Variants in KIRREL3 observed in about 807,000 individuals in gnomAD.
KIRREL3 encodes kirre like nephrin family adhesion molecule 3, also known as kin of IRRE-like protein 3.
In KIRREL3, 36 loss-of-function variants were observed where a neutral mutation model predicts 89.7. That is an observed-to-expected ratio of 0.40 (90% confidence interval 0.31 to 0.53). The LOEUF (loss-of-function observed/expected upper bound fraction) is 0.53, where lower values mean the gene tolerates loss of function less well. Ranked by LOEUF, KIRREL3 falls within the 20% of genes least tolerant of loss-of-function variation. KIRREL3 has a pLI of 0.49. For missense variants in KIRREL3, 864 were observed against 1,056.6 expected (o/e 0.82, Z 2.53); for synonymous variants, 445 against 441.4 (o/e 1.01, Z -0.10).
rs485645 is a variant in KIRREL3, at chr11:126,563,084, T to C, written c.56-172A>G. 0.33 allele frequency among the ~76,000 whole-genome samples: 50,838 copies of C among 152,152 alleles called. 11,201 individuals carry two copies. Among genetic ancestry groups the C allele is most frequent in the East Asian group, 0.84 (4,331 of 5,178 alleles). ...TCCAGGCATAAGTTTAAGCCAGCAATTCTTCATTTTGATTCTCATAACAAC... is the reference window on the plus strand; with the variant it reads ...TCCAGGCATAAGTTTAAGCCAGCAACTCTTCATTTTGATTCTCATAACAAC... On this transcript the variant is annotated intron_variant, in intron 1 of 16. Coordinates refer to ENST00000525144, the MANE Select transcript of KIRREL3 (RefSeq NM_032531.4). The surrounding 1 kb of genome is among the most constrained non-coding windows in gnomAD (Gnocchi z 6.8).
rs889027292 is a variant in KIRREL3, at chr11:126,969,011, G to C, written c.55+31444C>G. On this transcript the variant is annotated intron_variant, in intron 1 of 16. Coordinates refer to ENST00000525144, the MANE Select transcript of KIRREL3 (RefSeq NM_032531.4). The surrounding 1 kb of genome is among the most constrained non-coding windows in gnomAD (Gnocchi z 4.9). ...CATTTTTGAGTATCTCTGCAGATACGGGAAAACCCTGCCTCTCCTTGCATA... is the reference window on the plus strand; with the variant it reads ...CATTTTTGAGTATCTCTGCAGATACCGGAAAACCCTGCCTCTCCTTGCATA... Among the ~76,000 whole-genome samples the C allele has an allele frequency of 6.6e-6, 1 of 152,142 alleles. No homozygotes were observed. Among genetic ancestry groups the C allele is most frequent in the East Asian group, 1.9e-4 (1 of 5,186 alleles).
At chr11:126,952,637 G>T (rs889449765) in intron 1 of KIRREL3, among the ~76,000 whole-genome samples, 2 of 152,174 alleles carry the variant, frequency 1.3e-5, no homozygotes, top group Non-Finnish European at 2.9e-5. Flanking sequence ...TAGTCATGAA[G>T]TCTTTGCCCA....
intron 1 of KIRREL3, chr11:126,934,775 A>G (rs900648284): frequency 2.0e-5 from 3 of 152,214 alleles, no homozygotes; most frequent in East Asian, 3.9e-4. Flanking sequence ...AATGAGCAAA[A>G]GACGGCCAGG....
At position 126,565,505 on chromosome 11, in the gene KIRREL3, G is replaced by A. The variant is rs1940450057; in HGVS notation, c.56-2593C>T. ...TGGGTTAGTCTTAATTATTTAGGCGGCTACGTTACAAGGCGCTAATAAGCA... is the reference window on the plus strand; with the variant it reads ...TGGGTTAGTCTTAATTATTTAGGCGACTACGTTACAAGGCGCTAATAAGCA... On this transcript the variant is annotated intron_variant, in intron 1 of 16. Coordinates refer to ENST00000525144, the MANE Select transcript of KIRREL3 (RefSeq NM_032531.4). The surrounding 1 kb of genome is among the most constrained non-coding windows in gnomAD (Gnocchi z 5.4). Among the ~76,000 whole-genome samples the A allele has an allele frequency of 6.6e-6, 1 of 152,160 alleles. No homozygotes were observed. The highest frequency in any genetic ancestry group is 1.5e-5 in the Non-Finnish European group (1 of 68,044).
rs144904752 is a variant in KIRREL3, at chr11:126,614,704, T to C, written c.56-51792A>G. On this transcript the variant is annotated intron_variant, in intron 1 of 16. Coordinates refer to ENST00000525144, the MANE Select transcript of KIRREL3 (RefSeq NM_032531.4). This position sits in a 1 kb window ranked among gnomAD's most constrained non-coding sequence, Gnocchi z 4.6. The stretch of plus-strand genomic sequence containing the variant: ...CCAGCCAAGGCTGGTGAGATGTATT[T>C]GCAGACAAGTGGGCCGCAATCACAG... Among the ~76,000 whole-genome samples, 525 of 152,322 alleles carry C rather than the reference T, an allele frequency of 3.4e-3. 1 individual carries two copies. Among genetic ancestry groups the C allele is most frequent in the African/African-American group, 0.012 (495 of 41,564 alleles).
At chr11:126,505,426 C>A (rs560300840) in intron 4 of KIRREL3, among the ~76,000 whole-genome samples, 2 of 152,084 alleles carry the variant, frequency 1.3e-5, no homozygotes, top group East Asian at 3.8e-4. Flanking sequence ...GAAAAATTAG[C>A]CAGGCGTGGT....
rs114326190 is a variant in KIRREL3, at chr11:126,742,457, C to T, written c.56-179545G>A. Reference sequence around the variant, plus strand: ...ATGAAGCAGAAGTCAATCTCTTCGTCAGGCTGAATGTGGCTCACAGAAGCA... The same window carrying T: ...ATGAAGCAGAAGTCAATCTCTTCGTTAGGCTGAATGTGGCTCACAGAAGCA... On this transcript the variant is annotated intron_variant, in intron 1 of 16. Coordinates refer to ENST00000525144, the MANE Select transcript of KIRREL3 (RefSeq NM_032531.4). This position sits in a 1 kb window ranked among gnomAD's most constrained non-coding sequence, Gnocchi z 5.3. Among the ~76,000 whole-genome samples, 385 of 152,270 alleles carry T rather than the reference C, an allele frequency of 2.5e-3. 1 individual carries two copies. The highest frequency in any genetic ancestry group is 9.1e-3 in the African/African-American group (378 of 41,542).
Position 126,772,230 on chromosome 11 carries a change from A to G in KIRREL3, c.56-209318T>C, listed in dbSNP as rs1005658873. On this transcript the variant is annotated intron_variant, in intron 1 of 16. Coordinates refer to ENST00000525144, the MANE Select transcript of KIRREL3 (RefSeq NM_032531.4). This position sits in a 1 kb window ranked among gnomAD's most constrained non-coding sequence, Gnocchi z 4.6. ...AGGGAGGATGCACTACAAATCAGAA[A>G]GAACAGTGCTAAGATTTGGATAGGG... Among the ~76,000 whole-genome samples, 8 of 152,224 alleles carry G rather than the reference A, an allele frequency of 5.3e-5. No individual in the cohort carries two copies. The highest frequency in any genetic ancestry group is 1.9e-4 in the African/African-American group (8 of 41,458).
chr11:126,998,694 G>A (rs6590242), intron 1 of KIRREL3, among the ~76,000 whole-genome samples: 11,438 of 152,186 alleles, frequency 0.075, 973 homozygotes, highest in East Asian at 0.42. Context: ...TGATTCAGAC[G>A]GCCAGGGAGG....
intron 1 of KIRREL3, among the ~76,000 whole-genome samples, chr11:126,818,451 G>A (rs932470104): frequency 6.6e-6 from 1 of 152,152 alleles, no homozygotes; most frequent in Non-Finnish European, 1.5e-5. Context: ...TAACCTCTCT[G>A]AGCCTATTTC....
rs1276433440 is a variant in KIRREL3, at chr11:126,454,128, G to T, written c.848+2221C>A. On this transcript the variant is annotated intron_variant, in intron 7 of 16. Coordinates refer to ENST00000525144, the MANE Select transcript of KIRREL3 (RefSeq NM_032531.4). This position sits in a 1 kb window ranked among gnomAD's most constrained non-coding sequence, Gnocchi z 5.8. The stretch of plus-strand genomic sequence containing the variant: ...TCACCAGCTGTTAACATTTTCTCAC[G>T]CGTGCTTTGCGGAGACCTCTCCTCT... Among the ~76,000 whole-genome samples the T allele has an allele frequency of 6.6e-6, 1 of 152,016 alleles. No individual in the cohort carries two copies. The highest frequency in any genetic ancestry group is 1.5e-5 in the Non-Finnish European group (1 of 68,012).
intron 1 of KIRREL3, among the ~76,000 whole-genome samples, chr11:126,952,385 A>G (rs1302271424): frequency 2.0e-5 from 3 of 149,878 alleles, no homozygotes; most frequent in Non-Finnish European, 4.5e-5. Context: ...ACTGTCTTGA[A>G]AAAAAAAAAG....
intron 1 of KIRREL3, among the ~76,000 whole-genome samples, chr11:126,893,901 A>C (rs1448626028): frequency 6.6e-6 from 1 of 152,232 alleles, no homozygotes; most frequent in Non-Finnish European, 1.5e-5. Context: ...TTAAAAACTC[A>C]TAAGATGGTC....
rs1945276526 is a variant in KIRREL3, at chr11:126,876,124, T to A, written c.55+124331A>T. On this transcript the variant is annotated intron_variant, in intron 1 of 16. Coordinates refer to ENST00000525144, the MANE Select transcript of KIRREL3 (RefSeq NM_032531.4). This position sits in a 1 kb window ranked among gnomAD's most constrained non-coding sequence, Gnocchi z 4.1. Reference sequence around the variant, plus strand: ...CAAAGGGCAGCCGTCTTCTACTAGCTCTTCAGAACTTTCTGGCCCCAATAC... The same window carrying A: ...CAAAGGGCAGCCGTCTTCTACTAGCACTTCAGAACTTTCTGGCCCCAATAC... Among the ~76,000 whole-genome samples, 1 of 152,176 alleles carries A rather than the reference T, an allele frequency of 6.6e-6. No individual in the cohort carries two copies. The highest frequency in any genetic ancestry group is 1.5e-5 in the Non-Finnish European group (1 of 68,036).
rs1165092813 is a variant in KIRREL3, at chr11:126,462,047, G to T, written c.742+1110C>A. Among the ~76,000 whole-genome samples the T allele has an allele frequency of 1.3e-5, 2 of 152,148 alleles. No homozygotes were observed. The highest frequency in any genetic ancestry group is 4.8e-5 in the African/African-American group (2 of 41,438). On this transcript the variant is annotated intron_variant, in intron 6 of 16. Transcript: ENST00000525144. This position sits in a 1 kb window ranked among gnomAD's most constrained non-coding sequence, Gnocchi z 4.8. Reference sequence around the variant, plus strand: ...TGAACTAATCCAGTCTTGAGAGGAAGGCCCCTGGAACACCTTGCTGAGCTC... The same window carrying T: ...TGAACTAATCCAGTCTTGAGAGGAATGCCCCTGGAACACCTTGCTGAGCTC...
At chr11:126,801,636 C>T (rs1951037634) in intron 1 of KIRREL3, among the ~76,000 whole-genome samples, 1 of 152,220 alleles carries the variant, frequency 6.6e-6, no homozygotes, top group South Asian at 2.1e-4. Flanking sequence ...TGGCCAGGCA[C>T]TTTCTCTCCT....
chr11:126,563,577 A>C lies in KIRREL3; in HGVS notation c.56-665T>G, dbSNP rs1940293026. ...CCATCATCAAGCACTTATGAAATGTAGACTTAGAGCACAGGGGTCGAGATA... is the reference window on the plus strand; with the variant it reads ...CCATCATCAAGCACTTATGAAATGTCGACTTAGAGCACAGGGGTCGAGATA... On this transcript the variant is annotated intron_variant, in intron 1 of 16. Transcript: ENST00000525144. This position sits in a 1 kb window ranked among gnomAD's most constrained non-coding sequence, Gnocchi z 6.8. Among the ~76,000 whole-genome samples the C allele has an allele frequency of 1.3e-5, 2 of 152,232 alleles. No homozygotes were observed. Among genetic ancestry groups the C allele is most frequent in the Non-Finnish European group, 2.9e-5 (2 of 68,040 alleles).
chr11:126,767,000 G>A lies in KIRREL3; in HGVS notation c.56-204088C>T, dbSNP rs1343428058. ...CTCTGCATTGAGGAGGGGGTACTTG[G>A]TGGCTCTTTGTGGGTAAGAGGGCAT... On this transcript the variant is annotated intron_variant, in intron 1 of 16. Coordinates refer to ENST00000525144, the MANE Select transcript of KIRREL3 (RefSeq NM_032531.4). The surrounding 1 kb of genome is among the most constrained non-coding windows in gnomAD (Gnocchi z 4.2). 6.6e-6 allele frequency among the ~76,000 whole-genome samples: 1 copy of A among 152,208 alleles called. No individual in the cohort carries two copies. The highest frequency in any genetic ancestry group is 1.5e-5 in the Non-Finnish European group (1 of 68,034).
chr11:126,743,881 T>C (rs1200128558), intron 1 of KIRREL3, among the ~76,000 whole-genome samples: 1 of 152,180 alleles, frequency 6.6e-6, no homozygotes, highest in Non-Finnish European at 1.5e-5. Flanking sequence ...GGTATGTATA[T>C]GAGTGTGTGT....
Sources: allele counts gnomAD v4.1 joint callset (sites outside exome capture counted in the v4.1 genomes callset), GRCh38; gene constraint gnomAD v4.1.1; non-coding constraint Gnocchi (gnomAD v3.1); transcripts MANE v1.5; gene names NCBI Gene and HGNC (gene_info 2026-07-23, HGNC 2026-07-21).